Variants in GDPD4 observed in about 807,000 individuals in gnomAD.
The protein encoded by GDPD4 is glycerophosphodiester phosphodiesterase 6.
In GDPD4, 60 loss-of-function variants were observed where a neutral mutation model predicts 67.8. That is an observed-to-expected ratio of 0.88 (90% CI 0.72 to 1.10). The LOEUF (loss-of-function observed/expected upper bound fraction) is 1.10. Among genes scored for constraint, GDPD4 ranks in the 50% least tolerant of loss-of-function variants. GDPD4 has a pLI of 0.00. For synonymous variants in GDPD4, 212 were observed against 210.9 expected (o/e 1.00, Z -0.04); for missense variants, 623 against 613.9 (o/e 1.01, Z -0.16).
At chr11:77,245,189 A>G in intron 12 of GDPD4, 92 bp downstream of exon 12, 1 of 847,484 alleles carries the variant, frequency 1.2e-6, no homozygotes, top group Non-Finnish European at 2.0e-6. Flanking sequence ...ATCCCAGGGT[A>G]GATGTACAAG....
At chr11:77,288,526 A>C (rs1239160887) in intron 1 of GDPD4, among the ~76,000 whole-genome samples, 1 of 152,140 alleles carries the variant, frequency 6.6e-6, no homozygotes, top group Non-Finnish European at 1.5e-5. Flanking sequence ...CCACTGACAA[A>C]ATCATAGACA....
chr11:77,255,965 T>C (rs550150106), intron 11 of GDPD4, among the ~76,000 whole-genome samples: 2 of 152,308 alleles, frequency 1.3e-5, no homozygotes, highest in Admixed American at 6.5e-5. Context: ...CTTAGAATTA[T>C]GAAAAAAATT....
intron 4 of GDPD4, among the ~76,000 whole-genome samples, chr11:77,277,401 T>TTTTTG (rs1249834590): frequency 9.3e-6 from 1 of 107,994 alleles, no homozygotes; most frequent in Non-Finnish European, 2.0e-5. Flanking sequence ...CTTTTTTTTT[T>TTTTTG]TTTTTTTTTT....
At chr11:77,228,033 C>G in intron 15 of GDPD4, 117 bp from the exon 16 acceptor site, 1 of 763,540 alleles carries the variant, frequency 1.3e-6, no homozygotes, top group Non-Finnish European at 2.3e-6. Context: ...AATCCTATAG[C>G]ATTTGCCTGC....
chr11:77,218,522 A>G (rs1042647254), intron 16 of GDPD4, among the ~76,000 whole-genome samples: 8 of 152,124 alleles, frequency 5.3e-5, no homozygotes. Flanking sequence ...TATTTCTCCT[A>G]ATGCTATCCC....
rs898206696 is a variant in GDPD4, at chr11:77,233,091, C to T, written c.1323G>A (p.Arg441=). 1 of 1,613,924 alleles carries T rather than the reference C, an allele frequency of 6.2e-7. No homozygotes were observed. The highest frequency in any genetic ancestry group is 8.5e-7 in the Non-Finnish European group (1 of 1,179,956). Residue 441 remains arginine (R), a synonymous_variant, in exon 14 of 17, where the codon AGG becomes AGA. Transcript: ENST00000315938. ...PWLFSLAWCS[R]INSVTTDNIG... ...TGTTGTCTGTGGTCACTGAGTTAAT[C>T]CTGGAGCACCAGGCCAGTGAGAAAA...
At chr11:77,240,894 T>G (rs943657117) in intron 13 of GDPD4, among the ~76,000 whole-genome samples, 3 of 152,062 alleles carry the variant, frequency 2.0e-5, no homozygotes, top group African/African-American at 7.2e-5. Context: ...CTCTCAAAAT[T>G]TTGGCTATTA....
At chr11:77,280,856 A>C (rs1348456427) in intron 3 of GDPD4, among the ~76,000 whole-genome samples, 4 of 152,216 alleles carry the variant, frequency 2.6e-5, no homozygotes, top group African/African-American at 9.7e-5. Flanking sequence ...GAGTGAAAAG[A>C]GCGAGAAGGA....
chr11:77,241,023 C>CA, intron 13 of GDPD4, among the ~76,000 whole-genome samples: 1 of 152,180 alleles, frequency 6.6e-6, no homozygotes, highest in Non-Finnish European at 1.5e-5. Flanking sequence ...GGAGGTTCCT[C>CA]AAAAAACTAA....
At chr11:77,278,273 A>T (rs943989377) in intron 4 of GDPD4, among the ~76,000 whole-genome samples, 28 of 152,214 alleles carry the variant, frequency 1.8e-4, no homozygotes, top group African/African-American at 6.5e-4. Flanking sequence ...ATTCTTCATT[A>T]TGCCCTACAT....
rs184901844 is a variant in GDPD4 at position 77,240,439 on chromosome 11, G to A, written c.1241+3255C>T. 1.8e-4 allele frequency among the ~76,000 whole-genome samples: 28 copies of A among 152,272 alleles called. No homozygotes were observed. The East Asian group carries it at 5.4e-3, about 29-fold the overall frequency. ...TTGAGAAATTGGATAGCCACATGCA[G>A]AAGAATGAAATTAGGCCCTTATCTC... On this transcript the variant is annotated intron_variant, in intron 13 of 16. Transcript: ENST00000315938.
At chr11:77,290,367 A>G (rs1281991606) in intron 1 of GDPD4, among the ~76,000 whole-genome samples, 1 of 152,228 alleles carries the variant, frequency 6.6e-6, no homozygotes, top group Non-Finnish European at 1.5e-5. Context: ...ATGTTAGGTC[A>G]CAAAACAAGT....
chr11:77,245,318 A>G lies in GDPD4; in HGVS notation c.1049T>C (p.Val350Ala). 2 of 1,614,200 alleles carry G rather than the reference A, an allele frequency of 1.2e-6. No individual in the cohort carries two copies. The highest frequency in any genetic ancestry group is 1.7e-6 in the Non-Finnish European group (2 of 1,180,030). ...PLRHTFVRQV[V>A]SVILASKIEQ... The stretch of plus-strand genomic sequence containing the variant: ...GATTTTAGAGGCAAGGATCACGCTT[A>G]CTACTTGGCGGACAAATGTGTGTCT... Residue 350 changes from valine to alanine, a missense_variant, in exon 12 of 17, where the codon GTA becomes GCA. Val to Ala is a moderately conservative substitution (Grantham distance 64, BLOSUM62 0). Coordinates refer to ENST00000315938, the MANE Select transcript of GDPD4 (RefSeq NM_182833.3).
chr11:77,291,252 G>A (rs1937762423), intron 1 of GDPD4, among the ~76,000 whole-genome samples: 1 of 152,198 alleles, frequency 6.6e-6, no homozygotes, highest in East Asian at 1.9e-4. Flanking sequence ...ATTATGTTCA[G>A]TGAAATAAGT....
chr11:77,278,112 C>A (rs899211095), intron 4 of GDPD4, among the ~76,000 whole-genome samples: 3 of 152,058 alleles, frequency 2.0e-5, no homozygotes, highest in African/African-American at 7.2e-5. Context: ...AGTTTGTTAT[C>A]ATTTCTGTTC....
intron 7 of GDPD4, among the ~76,000 whole-genome samples, chr11:77,270,484 G>A (rs1379915134): frequency 6.6e-6 from 1 of 152,202 alleles, no homozygotes; most frequent in Non-Finnish European, 1.5e-5. Context: ...TTGGGAGGCT[G>A]AGGCAGGCGG....
chr11:77,260,124 T>C (rs947765607), intron 10 of GDPD4, among the ~76,000 whole-genome samples: 1 of 152,000 alleles, frequency 6.6e-6, no homozygotes, highest in Non-Finnish European at 1.5e-5. Context: ...CTGGCCAACA[T>C]AGTGAAACCC....
At chr11:77,268,641 C>T in intron 9 of GDPD4, 102 bp from the exon 10 acceptor site, 1 of 934,882 alleles carries the variant, frequency 1.1e-6, no homozygotes, top group Non-Finnish European at 1.7e-6. Flanking sequence ...GGGAGCAGAG[C>T]TTGGCTCCCT....
intron 5 of GDPD4, among the ~76,000 whole-genome samples, chr11:77,273,818 A>T (rs1358300828): frequency 6.6e-6 from 1 of 152,222 alleles, no homozygotes. Context: ...GAACGGTATC[A>T]CCTATGATCA....
Sources: allele counts gnomAD v4.1 joint callset (sites outside exome capture counted in the v4.1 genomes callset), GRCh38; gene constraint gnomAD v4.1.1; transcripts MANE v1.5; gene names NCBI Gene and HGNC (gene_info 2026-07-23, HGNC 2026-07-21).